SYNDIG1L: variants seen among roughly 807,000 people sequenced by gnomAD.
SYNDIG1L encodes synapse differentiation-inducing gene protein 1-like.
A neutral mutation model predicts 20.1 loss-of-function variants in SYNDIG1L; 13 were observed. The ratio of observed to expected loss-of-function variants is 0.65; its 90% CI spans 0.42 to 1.03. The LOEUF (loss-of-function observed/expected upper bound fraction) is 1.03. Ranked by LOEUF, SYNDIG1L falls within the 50% of genes least tolerant of loss-of-function variation. The probability of loss-of-function intolerance (pLI) is 0.00; values close to 1 mark genes in which losing one functional copy is unlikely to be tolerated. For missense variants in SYNDIG1L, 294 were observed against 305.1 expected (o/e 0.96, Z 0.27); for synonymous variants, 128 against 129.3 (o/e 0.99, Z 0.07).
intron 1 of SYNDIG1L, among the ~76,000 whole-genome samples, chr14:74,413,354 G>A (rs116507427): frequency 0.049 from 7,463 of 152,214 alleles, 225 homozygotes; most frequent in African/African-American, 0.078. Context: ...CCACCTAAAC[G>A]TCCAGCAATT....
chr14:74,411,187 C>A (rs2086128249), intron 1 of SYNDIG1L, among the ~76,000 whole-genome samples: 1 of 152,176 alleles, frequency 6.6e-6, no homozygotes, highest in African/African-American at 2.4e-5. Flanking sequence ...GGTCTTGACG[C>A]CTTGGGCAGA....
chr14:74,439,901 A>G, the SYNDIG1L span, among the ~76,000 whole-genome samples: 2 of 151,044 alleles, frequency 1.3e-5, no homozygotes, highest in Non-Finnish European at 2.9e-5. Context: ...AAAAAATTAT[A>G]CAAGTAATAA....
chr14:74,476,303 G>A, the SYNDIG1L span: 71 of 628,668 alleles, frequency 1.1e-4, no homozygotes, highest in South Asian at 1.2e-3. Context: ...CATGTTCAAG[G>A]CCAGCAGCCA....
intron 1 of SYNDIG1L, among the ~76,000 whole-genome samples, chr14:74,421,604 A>G (rs752508958): frequency 5.9e-5 from 9 of 152,252 alleles, no homozygotes; most frequent in Non-Finnish European, 1.0e-4. Flanking sequence ...GAAGAGCAGG[A>G]TGGGGAGAAG....
chr14:74,422,247 G>A (rs1413669616), intron 1 of SYNDIG1L, among the ~76,000 whole-genome samples: 1 of 152,072 alleles, frequency 6.6e-6, no homozygotes, highest in African/African-American at 2.4e-5. Flanking sequence ...CTGCAGGGAG[G>A]AAGGAGAAGA....
the SYNDIG1L span, among the ~76,000 whole-genome samples, chr14:74,434,098 TAGG>T: frequency 3.3e-5 from 5 of 152,248 alleles, no homozygotes; most frequent in Non-Finnish European, 7.3e-5. Flanking sequence ...ATAAAAATCT[TAGG>T]AGGAATTAAA....
chr14:74,455,658 G>A, the SYNDIG1L span, among the ~76,000 whole-genome samples: 2 of 152,154 alleles, frequency 1.3e-5, no homozygotes, highest in African/African-American at 4.8e-5. Flanking sequence ...GACCTCAGGT[G>A]ATCTGCCTGC....
chr14:74,430,110 T>G (rs1348680231), upstream of SYNDIG1L, among the ~76,000 whole-genome samples: 1 of 152,100 alleles, frequency 6.6e-6, no homozygotes, highest in Non-Finnish European at 1.5e-5. Context: ...CACTCAAGCC[T>G]GGGGAGCAGA....
At chr14:74,408,160 C>T (rs767608277) in intron 2 of SYNDIG1L, among the ~76,000 whole-genome samples, 171 bp from the exon 3 acceptor site, 7 of 152,162 alleles carry the variant, frequency 4.6e-5, no homozygotes, top group Non-Finnish European at 8.8e-5. Context: ...TACCAAAAGC[C>T]TTAACAATGG....
the SYNDIG1L span, among the ~76,000 whole-genome samples, chr14:74,439,008 G>A: frequency 6.6e-6 from 1 of 151,942 alleles, no homozygotes; most frequent in African/African-American, 2.4e-5. Flanking sequence ...CAGCTACTTG[G>A]GAGGCTGAGG....
At position 74,406,087 on chromosome 14, in the gene SYNDIG1L, T is replaced by G; in HGVS notation, c.*1448A>C. 1 of 398,642 alleles carries G rather than the reference T, an allele frequency of 2.5e-6. No individual in the cohort carries two copies. Among genetic ancestry groups the G allele is most frequent in the Non-Finnish European group, 4.4e-6 (1 of 226,128 alleles). The allele number at this position is 398,642 out of a possible 1,614,324, so 24.7% of individuals were successfully genotyped here. Reference sequence around the variant, plus strand: ...TGGGAATGACCAGGTTCCCACATCATGCACAGCAGGGGCCTGTAGCTTGAG... The same window carrying G: ...TGGGAATGACCAGGTTCCCACATCAGGCACAGCAGGGGCCTGTAGCTTGAG... On this transcript the variant is annotated 3_prime_UTR_variant, in exon 4 of 4. Coordinates refer to ENST00000331628, the MANE Select transcript of SYNDIG1L (RefSeq NM_001105579.2).
intron 1 of SYNDIG1L, among the ~76,000 whole-genome samples, chr14:74,416,999 C>T (rs1201019920): frequency 6.6e-6 from 1 of 152,182 alleles, no homozygotes; most frequent in African/African-American, 2.4e-5. Flanking sequence ...AATCACGGTA[C>T]CCTAATGCCA....
chr14:74,409,083 T>TATTG (rs1376353335), intron 2 of SYNDIG1L, among the ~76,000 whole-genome samples: 1 of 149,728 alleles, frequency 6.7e-6, no homozygotes, highest in Non-Finnish European at 1.5e-5. Flanking sequence ...TTTATTTATT[T>TATTG]ATTTATATTT....
chr14:74,412,346 G>A (rs540617685), intron 1 of SYNDIG1L, among the ~76,000 whole-genome samples: 1 of 152,336 alleles, frequency 6.6e-6, no homozygotes, highest in South Asian at 2.1e-4. Context: ...GACCGTAGGT[G>A]TGGGGTTGAG....
At chr14:74,473,415 CA>C in the SYNDIG1L span, among the ~76,000 whole-genome samples, 1 of 151,972 alleles carries the variant, frequency 6.6e-6, no homozygotes, top group Admixed American at 6.6e-5. Flanking sequence ...ATAAATACTC[CA>C]AAAAATCTCA....
chr14:74,407,797 C>T, intron 3 of SYNDIG1L, 52 bp downstream of exon 3: 3 of 1,588,546 alleles, frequency 1.9e-6, no homozygotes, highest in Middle Eastern at 1.7e-4. Flanking sequence ...ATGCCAAGCC[C>T]TCCAGTAGAG....
At chr14:74,476,250 G>A in the SYNDIG1L span, 1 of 599,844 alleles carries the variant, frequency 1.7e-6, no homozygotes, top group Non-Finnish European at 3.0e-6. Context: ...GCTGCTGCTG[G>A]CCTGCTCTCT....
the SYNDIG1L span, among the ~76,000 whole-genome samples, chr14:74,445,454 T>TTGTGTGTGTGTGTGTG: frequency 1.4e-5 from 2 of 147,866 alleles, no homozygotes; most frequent in African/African-American, 5.0e-5. Context: ...GTATTAAAAT[T>TTGTGTGTGTGTGTGTG]TGTGTGTGTG....
the SYNDIG1L span, among the ~76,000 whole-genome samples, chr14:74,432,180 T>TGTGTGTGTGTGTGAGAGAGA: frequency 8.1e-6 from 1 of 124,072 alleles, no homozygotes. Flanking sequence ...TGTGTGTGTG[T>TGTGTGTGTGTGTGAGAGAGA]GAGAGAGAGA....
Sources: gnomAD v4.1 joint callset for allele counts (sites outside exome capture counted in the v4.1 genomes callset) on GRCh38, gnomAD v4.1.1 for gene constraint, MANE v1.5 for transcripts, NCBI Gene and HGNC (gene_info 2026-07-23, HGNC 2026-07-21) for gene names.